Variants in WDR7 observed in about 807,000 individuals in gnomAD.
WDR7 encodes WD repeat-containing protein 7.
In WDR7, 46 loss-of-function variants were observed where a neutral mutation model predicts 169.4. That is an observed-to-expected ratio of 0.27 (90% CI 0.21 to 0.35). WDR7 has a LOEUF of 0.35. Among genes scored for constraint, WDR7 ranks in the 10% least tolerant of loss-of-function variants. WDR7 has a pLI of 1.00. For synonymous variants in WDR7, 612 were observed against 666.8 expected, an observed-to-expected ratio of 0.92 and a Z score of 1.27; for missense variants, 1,534 against 1,859.3, an observed-to-expected ratio of 0.83 and a Z score of 3.22.
intron 20 of WDR7, among the ~76,000 whole-genome samples, chr18:56,878,921 T>C (rs1026670526): frequency 1.3e-5 from 2 of 152,226 alleles, no homozygotes; most frequent in Non-Finnish European, 2.9e-5. Flanking sequence ...TAATCTAATT[T>C]TGTATGGATA....
chr18:56,671,290 T>TG (rs1478886881), intron 1 of WDR7, among the ~76,000 whole-genome samples: 8 of 93,294 alleles, frequency 8.6e-5, no homozygotes, highest in African/African-American at 2.7e-4. Flanking sequence ...CTGAGCAAAG[T>TG]GTTTTTTTTT....
chr18:57,015,522 C>T (rs911632816), intron 26 of WDR7, among the ~76,000 whole-genome samples: 1 of 152,108 alleles, frequency 6.6e-6, no homozygotes, highest in East Asian at 1.9e-4. Context: ...GAGCCTTTCC[C>T]TTGCCTAACA....
intron 26 of WDR7, among the ~76,000 whole-genome samples, chr18:56,999,053 G>A (rs994158979): frequency 6.6e-6 from 1 of 152,182 alleles, no homozygotes; most frequent in Admixed American, 6.5e-5. Context: ...TGTCCTGCAG[G>A]AAGAAGTCAG....
chr18:56,885,657 T>TA (rs56039100), intron 21 of WDR7, among the ~76,000 whole-genome samples: 115,663 of 146,478 alleles, frequency 0.79, 46,147 homozygotes, highest in East Asian at 0.9. Flanking sequence ...CTGTCTCTAC[T>TA]AAAAAAAAAA....
At chr18:56,992,673 G>A (rs17751073) in intron 26 of WDR7, among the ~76,000 whole-genome samples, 34,003 of 152,144 alleles carry the variant, frequency 0.22, 4,445 homozygotes, top group Non-Finnish European at 0.29. Context: ...GAAAAATGAT[G>A]TAATGCAAAC....
intron 16 of WDR7, among the ~76,000 whole-genome samples, chr18:56,759,769 A>G (rs1403640584): frequency 6.6e-6 from 1 of 152,166 alleles, no homozygotes; most frequent in Non-Finnish European, 1.5e-5. Context: ...ACTTTTTTTT[A>G]AGTTTGAAAG....
intron 21 of WDR7, among the ~76,000 whole-genome samples, chr18:56,921,074 G>T (rs1002731160): frequency 1.3e-5 from 2 of 152,262 alleles, no homozygotes; most frequent in East Asian, 3.9e-4. Context: ...AGGCATCCCA[G>T]ATTATTCCTG....
intron 12 of WDR7, among the ~76,000 whole-genome samples, chr18:56,698,154 C>T (rs1179185926): frequency 6.6e-6 from 1 of 151,482 alleles, no homozygotes; most frequent in South Asian, 2.1e-4. Flanking sequence ...GAGATCGTAC[C>T]CTTGCACTCC....
chr18:56,785,584 G>C (rs914326014), intron 19 of WDR7, among the ~76,000 whole-genome samples: 1 of 152,100 alleles, frequency 6.6e-6, no homozygotes, highest in African/African-American at 2.4e-5. Flanking sequence ...GGCATACTGG[G>C]CTGATGGACT....
chr18:56,875,406 A>G (rs1041766093), intron 20 of WDR7, among the ~76,000 whole-genome samples: 5 of 152,202 alleles, frequency 3.3e-5, no homozygotes, highest in South Asian at 2.1e-4. Flanking sequence ...TCTTTATACT[A>G]TGCTTACAGT....
intron 21 of WDR7, among the ~76,000 whole-genome samples, chr18:56,920,420 T>C (rs931681877): frequency 1.7e-4 from 26 of 152,346 alleles, no homozygotes; most frequent in African/African-American, 6.3e-4. Context: ...ATAAATTTCC[T>C]TAAGGGAAGA....
At chr18:56,888,253 A>T (rs1221983386) in intron 21 of WDR7, among the ~76,000 whole-genome samples, 4 of 152,330 alleles carry the variant, frequency 2.6e-5, no homozygotes, top group African/African-American at 9.6e-5. Flanking sequence ...TGAATCTTTT[A>T]TGGGAGTTAC....
intron 22 of WDR7, among the ~76,000 whole-genome samples, chr18:56,927,007 T>C (rs984964935): frequency 7.2e-5 from 11 of 152,208 alleles, no homozygotes; most frequent in African/African-American, 2.4e-4. Flanking sequence ...GCCTTGCTTC[T>C]GTCTGTGATG....
intron 21 of WDR7, among the ~76,000 whole-genome samples, 171 bp from the exon 22 acceptor site, chr18:56,923,751 A>G (rs1345635998): frequency 6.6e-6 from 1 of 152,228 alleles, no homozygotes; most frequent in Non-Finnish European, 1.5e-5. Flanking sequence ...TTTCTCTTCA[A>G]AGAATGTGGC....
At chr18:56,925,894 C>T (rs9955742) in intron 22 of WDR7, among the ~76,000 whole-genome samples, 6,619 of 152,234 alleles carry the variant, frequency 0.043, 452 homozygotes, top group African/African-American at 0.14. Flanking sequence ...AATTACTTTA[C>T]CTCTCTGTAT....
In WDR7 at chr18:56,684,983, G is replaced by T. The variant is rs190109613; in HGVS notation, c.521-973G>T. 3.3e-5 allele frequency among the ~76,000 whole-genome samples: 5 copies of T among 152,240 alleles called. No homozygotes were observed. In the East Asian group the frequency reaches 7.7e-4, roughly 23 times the overall value. On this transcript the variant is annotated intron_variant, in intron 5 of 27. Transcript: ENST00000254442. The stretch of plus-strand genomic sequence containing the variant: ...TGAATCTTTTATTTAAAACAGATCT[G>T]TATTTGTGACCAAGCGGTTTGCCTA...
At chr18:56,954,716 A>T (rs1312677861) in intron 25 of WDR7, among the ~76,000 whole-genome samples, 1 of 152,092 alleles carries the variant, frequency 6.6e-6, no homozygotes, top group East Asian at 1.9e-4. Flanking sequence ...TTAAAATTGG[A>T]TATATATTAG....
At chr18:56,863,733 A>G (rs983718459) in intron 20 of WDR7, among the ~76,000 whole-genome samples, 20 of 151,812 alleles carry the variant, frequency 1.3e-4, no homozygotes, top group Admixed American at 1.2e-3. Flanking sequence ...GTATTAATAG[A>G]TGACTTTTAG....
chr18:56,908,197 C>T (rs4801059), intron 21 of WDR7, among the ~76,000 whole-genome samples: 123,919 of 152,090 alleles, frequency 0.81, 50,915 homozygotes, highest in East Asian at 0.98. Flanking sequence ...AGAAAAATAG[C>T]ATTGCTAGTT....
Sources: gnomAD v4.1 joint callset for allele counts (sites outside exome capture counted in the v4.1 genomes callset) on GRCh38, gnomAD v4.1.1 for gene constraint, MANE v1.5 for transcripts, NCBI Gene and HGNC (gene_info 2026-07-23, HGNC 2026-07-21) for gene names.